Variants in GMDS observed in about 807,000 individuals in gnomAD.
GMDS encodes the protein GDP-mannose 4,6-dehydratase.
GMDS carries 20 observed loss-of-function variants against 49.9 expected under a neutral mutation model. The ratio of observed to expected loss-of-function variants is 0.40; its 90% confidence interval spans 0.28 to 0.58. The LOEUF (loss-of-function observed/expected upper bound fraction) is 0.58, where lower values mean the gene tolerates loss of function less well. Among genes scored for constraint, GMDS ranks in the 20% least tolerant of loss-of-function variants. GMDS has a pLI of 0.42. For missense variants in GMDS, 362 were observed against 481.4 expected (o/e 0.75, Z 2.32); for synonymous variants, 177 against 178.6 (o/e 0.99, Z 0.07).
chr6:1,833,468 G>T lies in GMDS; in HGVS notation c.772-90882C>A, dbSNP rs910553436. On this transcript the variant is annotated intron_variant, in intron 7 of 10. Transcript: ENST00000380815. The surrounding 1 kb of genome is among the most constrained non-coding windows in gnomAD (Gnocchi z 4.4). The stretch of plus-strand genomic sequence containing the variant: ...CGCTGTAATAAAAACTTTATAAGGT[G>T]AAATCTAAATCCTGAATGCAGCACA... Among the ~76,000 whole-genome samples the T allele has an allele frequency of 6.6e-6, 1 of 151,918 alleles. No individual in the cohort carries two copies. Among genetic ancestry groups the T allele is most frequent in the Non-Finnish European group, 1.5e-5 (1 of 67,960 alleles).
rs558481826 is a variant in GMDS, at chr6:1,988,638, G to T, written c.346-27672C>A. On this transcript the variant is annotated intron_variant, in intron 4 of 10. Coordinates refer to ENST00000380815, the MANE Select transcript of GMDS (RefSeq NM_001500.4). ...CATGTCCTGTGTATTTAACAAGAAA[G>T]AATTATTTTGAACTGTAGAAACAGG... Among the ~76,000 whole-genome samples the T allele has an allele frequency of 1.8e-4, 28 of 152,232 alleles. No individual in the cohort carries two copies. In the South Asian group the frequency reaches 5.4e-3, roughly 29 times the overall value.
intron 9 of GMDS, among the ~76,000 whole-genome samples, chr6:1,719,996 T>C (rs1766318769): frequency 6.6e-6 from 1 of 152,172 alleles, no homozygotes; most frequent in Non-Finnish European, 1.5e-5. Context: ...GTGCAAGTAA[T>C]GGACATATCT....
chr6:1,958,006 A>C (rs1349623652), intron 6 of GMDS, among the ~76,000 whole-genome samples: 1 of 151,416 alleles, frequency 6.6e-6, no homozygotes, highest in Non-Finnish European at 1.5e-5. Context: ...GGATCTTACT[A>C]TGTTGCCCAG....
intron 6 of GMDS, among the ~76,000 whole-genome samples, chr6:1,943,124 C>A (rs1195103724): frequency 6.6e-6 from 1 of 152,216 alleles, no homozygotes; most frequent in Non-Finnish European, 1.5e-5. Context: ...CTGCCCTGTC[C>A]CCCTCACAGC....
intron 4 of GMDS, among the ~76,000 whole-genome samples, chr6:2,067,347 T>G (rs1232756601): frequency 6.7e-6 from 1 of 149,076 alleles, no homozygotes; most frequent in Non-Finnish European, 1.5e-5. Flanking sequence ...ACATCACAAT[T>G]AAAAGAACTA....
intron 7 of GMDS, among the ~76,000 whole-genome samples, chr6:1,929,715 T>C (rs1487580169): frequency 6.6e-6 from 1 of 152,140 alleles, no homozygotes; most frequent in Admixed American, 6.5e-5. Context: ...ATAATGTAAG[T>C]CCAAGAATCT....
chr6:1,943,099 C>T (rs1331969128), intron 6 of GMDS, among the ~76,000 whole-genome samples: 2 of 152,194 alleles, frequency 1.3e-5, no homozygotes, highest in African/African-American at 4.8e-5. Flanking sequence ...CCGGCCCCGT[C>T]CCCAGCATCT....
rs1030445208 is a variant in GMDS at position 2,087,042 on chromosome 6, G to C, written c.345+28729C>G. 1.1e-4 allele frequency among the ~76,000 whole-genome samples: 16 copies of C among 152,128 alleles called. 1 individual carries two copies. Among genetic ancestry groups the C allele is most frequent in the Admixed American group, 1.0e-3 (16 of 15,284 alleles). ...AAAATACTAAAGAATTATGACCACA[G>C]CTGTAATTTATGAGGATATGAGTGC... On this transcript the variant is annotated intron_variant, in intron 4 of 10. Transcript: ENST00000380815.
chr6:1,749,396 T>C (rs979402299), intron 7 of GMDS, among the ~76,000 whole-genome samples: 1 of 151,676 alleles, frequency 6.6e-6, no homozygotes, highest in African/African-American at 2.4e-5. Flanking sequence ...AAGACCAGCC[T>C]GGCCAACATG....
intron 7 of GMDS, among the ~76,000 whole-genome samples, chr6:1,818,945 T>G (rs1370394073): frequency 6.6e-6 from 1 of 152,066 alleles, no homozygotes; most frequent in African/African-American, 2.4e-5. Flanking sequence ...AATTTATCAT[T>G]AGTAAATTAG....
In GMDS at chr6:1,996,941, CTTT is replaced by C. The variant is rs1010515038; in HGVS notation, c.346-35978_346-35976del. Among the ~76,000 whole-genome samples the C allele has an allele frequency of 1.8e-4, 27 of 151,388 alleles. No homozygotes were observed. The East Asian group carries it at 5.1e-3, about 28-fold the overall frequency. On this transcript the variant is annotated intron_variant, in intron 4 of 10. Coordinates refer to ENST00000380815, the MANE Select transcript of GMDS (RefSeq NM_001500.4). ...TCCAACTAAGGAGTAAGACCCTAGT[CTTT>C]TTTTTTGTTTTTAAAGCACCATCGA...
chr6:1,686,537 T>C (rs910067166), intron 9 of GMDS, among the ~76,000 whole-genome samples: 1 of 152,212 alleles, frequency 6.6e-6, no homozygotes, highest in African/African-American at 2.4e-5. Context: ...GTCCACTGAT[T>C]AGTCACAGTA....
intron 6 of GMDS, chr6:1,952,192 G>A (rs935519016): frequency 1.1e-4 from 17 of 160,730 alleles, no homozygotes; most frequent in Admixed American, 3.3e-4. Flanking sequence ...GGGTATTTTG[G>A]GAGAATACCT....
intron 7 of GMDS, among the ~76,000 whole-genome samples, chr6:1,780,131 G>A (rs1472223643): frequency 6.6e-6 from 1 of 152,240 alleles, no homozygotes; most frequent in African/African-American, 2.4e-5. Context: ...TCCGCTTGCA[G>A]CCTGTCCCTG....
chr6:1,939,677 T>C (rs1309957031), intron 6 of GMDS, among the ~76,000 whole-genome samples: 3 of 151,946 alleles, frequency 2.0e-5, no homozygotes, highest in Admixed American at 6.6e-5. Context: ...CATCTCTATC[T>C]TCTATAACAA....
chr6:1,644,698 C>T (rs1183097328), intron 9 of GMDS, among the ~76,000 whole-genome samples: 1 of 152,160 alleles, frequency 6.6e-6, no homozygotes. Flanking sequence ...AGAGGAGGGA[C>T]TGTGAGGTTT....
At chr6:1,906,921 T>C (rs3800128) in intron 7 of GMDS, among the ~76,000 whole-genome samples, 90,115 of 152,058 alleles carry the variant, frequency 0.59, 28,841 homozygotes, top group African/African-American at 0.86. Flanking sequence ...GAACCCACCG[T>C]AGGGGCTCCC....
At chr6:1,894,728 C>G (rs1041253789) in intron 7 of GMDS, among the ~76,000 whole-genome samples, 4 of 152,140 alleles carry the variant, frequency 2.6e-5, no homozygotes, top group African/African-American at 9.7e-5. Context: ...GTAATACAAT[C>G]ATTTTTTTAA....
intron 7 of GMDS, among the ~76,000 whole-genome samples, chr6:1,915,012 T>C (rs1761301528): frequency 6.6e-6 from 1 of 152,202 alleles, no homozygotes; most frequent in Admixed American, 6.5e-5. Context: ...CACCCTGGGC[T>C]CCAGCTACAG....
Sources: gnomAD v4.1 joint callset for allele counts (sites outside exome capture counted in the v4.1 genomes callset) on GRCh38, gnomAD v4.1.1 for gene constraint, Gnocchi (gnomAD v3.1) non-coding constraint, MANE v1.5 for transcripts, NCBI Gene and HGNC (gene_info 2026-07-23, HGNC 2026-07-21) for gene names.